The following SEL1L2 variants were observed in gnomAD, a reference collection of about 807,000 sequenced individuals.
SEL1L2 encodes protein sel-1 homolog 2.
In SEL1L2, 89 loss-of-function variants were observed where a neutral mutation model predicts 98.8. That is an observed-to-expected ratio of 0.90 (90% CI 0.76 to 1.07). SEL1L2 has a LOEUF of 1.07. Among genes scored for constraint, SEL1L2 ranks in the 50% least tolerant of loss-of-function variants. The pLI is 0.00. For synonymous variants in SEL1L2, 262 were observed against 278.5 expected, an observed-to-expected ratio of 0.94 and a Z score of 0.59; for missense variants, 788 against 812.0, an observed-to-expected ratio of 0.97 and a Z score of 0.36.
chr20:13,956,612 C>G (rs1423777745), intron 1 of SEL1L2, among the ~76,000 whole-genome samples: 6 of 152,196 alleles, frequency 3.9e-5, no homozygotes, highest in Middle Eastern at 3.4e-3. Flanking sequence ...GAAATGTAGA[C>G]TGATAATTAT....
chr20:13,860,375 C>T (rs897110788), intron 17 of SEL1L2, among the ~76,000 whole-genome samples: 1 of 152,182 alleles, frequency 6.6e-6, no homozygotes, highest in Non-Finnish European at 1.5e-5. Context: ...CCCCCTTGCC[C>T]GTGAAGCTGC....
intron 5 of SEL1L2, 48 bp from the exon 6 acceptor site, chr20:13,888,560 T>C (rs6135002): frequency 0.14 from 138,187 of 977,380 alleles, 11,555 homozygotes; most frequent in East Asian, 0.36. Context: ...ATTTATTTCC[T>C]AATTATCTAT....
intron 3 of SEL1L2, among the ~76,000 whole-genome samples, chr20:13,926,008 C>T (rs926058516): frequency 7.2e-5 from 11 of 152,292 alleles, no homozygotes; most frequent in Non-Finnish European, 1.2e-4. Flanking sequence ...TCCTAGGAGT[C>T]AGGGTTTTTG....
chr20:13,925,232 C>CT (rs1429356861), intron 3 of SEL1L2, among the ~76,000 whole-genome samples: 13 of 152,122 alleles, frequency 8.5e-5, no homozygotes, highest in African/African-American at 3.1e-4. Flanking sequence ...TCCAGTAAGT[C>CT]TTCCTTTGTG....
intron 4 of SEL1L2, among the ~76,000 whole-genome samples, chr20:13,916,505 C>T (rs779110052): frequency 2.6e-5 from 4 of 152,182 alleles, no homozygotes; most frequent in Middle Eastern, 3.4e-3. Context: ...CCATTGCTAC[C>T]GACTCAAAAG....
intron 18 of SEL1L2, among the ~76,000 whole-genome samples, chr20:13,855,003 A>G (rs1799284126): frequency 7.0e-6 from 1 of 143,810 alleles, no homozygotes. Context: ...GTGACCGAAG[A>G]TTGCACCACT....
intron 3 of SEL1L2, among the ~76,000 whole-genome samples, chr20:13,922,782 T>C (rs536587703): frequency 3.3e-5 from 5 of 152,370 alleles, no homozygotes; most frequent in Non-Finnish European, 7.3e-5. Flanking sequence ...AATACTGGAA[T>C]GTGCTATCTT....
At chr20:13,957,612 C>T (rs970475138) in intron 1 of SEL1L2, among the ~76,000 whole-genome samples, 2 of 152,166 alleles carry the variant, frequency 1.3e-5, no homozygotes, top group East Asian at 3.9e-4. Flanking sequence ...TATGGCAGCT[C>T]ACACCTGTAA....
chr20:13,889,161 G>A (rs1266323393), intron 5 of SEL1L2, among the ~76,000 whole-genome samples: 3 of 151,742 alleles, frequency 2.0e-5, no homozygotes, highest in African/African-American at 7.2e-5. Flanking sequence ...GTTTCACCAT[G>A]TTGGCCAGGC....
At chr20:13,888,087 T>A (rs2047040071) in intron 6 of SEL1L2, 86 bp from the exon 7 acceptor site, 1 of 1,147,618 alleles carries the variant, frequency 8.7e-7, no homozygotes, top group African/African-American at 1.5e-5. Context: ...TCCATTTTTA[T>A]TCCTAGCTCC....
intron 12 of SEL1L2, among the ~76,000 whole-genome samples, chr20:13,871,688 T>C (rs961770926): frequency 2.0e-5 from 3 of 152,076 alleles, no homozygotes; most frequent in African/African-American, 7.2e-5. Context: ...TTTTTCGTAT[T>C]TTTAATAGAG....
chr20:13,930,739 T>G (rs1174449745), intron 3 of SEL1L2, among the ~76,000 whole-genome samples: 1 of 152,174 alleles, frequency 6.6e-6, no homozygotes, highest in East Asian at 1.9e-4. Context: ...ATCAATGAGT[T>G]CATCCAGCCC....
chr20:13,877,795 T>TTATG (rs1311057059), intron 10 of SEL1L2, among the ~76,000 whole-genome samples: 14 of 151,926 alleles, frequency 9.2e-5, no homozygotes, highest in African/African-American at 3.4e-4. Flanking sequence ...AGTGGGAGAG[T>TTATG]GTCTATATCT....
chr20:13,858,607 C>A (rs952710220), intron 18 of SEL1L2, among the ~76,000 whole-genome samples: 2 of 152,186 alleles, frequency 1.3e-5, no homozygotes, highest in Non-Finnish European at 2.9e-5. Flanking sequence ...ATACTGAATA[C>A]ATCTTTCTCA....
intron 1 of SEL1L2, 57 bp downstream of exon 1, chr20:13,990,420 C>T (rs1454861029): frequency 1.6e-6 from 2 of 1,227,864 alleles, no homozygotes. Flanking sequence ...GCCCTTGGCG[C>T]TGTTTGAGCA....
chr20:13,873,142 C>A (rs1430123606), intron 12 of SEL1L2, among the ~76,000 whole-genome samples: 1 of 151,660 alleles, frequency 6.6e-6, no homozygotes, highest in Admixed American at 6.6e-5. Flanking sequence ...AGGCATGCAC[C>A]CCCATGCCTG....
At chr20:13,931,093 G>A (rs1030290174) in intron 3 of SEL1L2, among the ~76,000 whole-genome samples, 2 of 151,118 alleles carry the variant, frequency 1.3e-5, no homozygotes, top group African/African-American at 4.9e-5. Flanking sequence ...ACCCAGGCTG[G>A]AGTACAGTGG....
intron 1 of SEL1L2, among the ~76,000 whole-genome samples, chr20:13,980,682 G>A (rs1483848451): frequency 2.6e-5 from 4 of 152,218 alleles, no homozygotes; most frequent in East Asian, 3.9e-4. Flanking sequence ...AGATGTCTGC[G>A]CTCCCATATT....
chr20:13,922,757 T>C (rs1170176745), intron 3 of SEL1L2, among the ~76,000 whole-genome samples: 1 of 152,256 alleles, frequency 6.6e-6, no homozygotes, highest in African/African-American at 2.4e-5. Flanking sequence ...GATGTAAATA[T>C]AACTTGAGAT....
Sources: gnomAD v4.1 joint callset for allele counts (sites outside exome capture counted in the v4.1 genomes callset) on GRCh38, gnomAD v4.1.1 for gene constraint, MANE v1.5 for transcripts, NCBI Gene and HGNC (gene_info 2026-07-23, HGNC 2026-07-21) for gene names.